Variants in NTSR1 observed in about 807,000 individuals in gnomAD.
NTSR1 encodes the protein neurotensin receptor 1.
Under a neutral mutation model 31.2 loss-of-function variants are expected in NTSR1, and 29 were observed. The observed-to-expected ratio is 0.93, with a 90% CI of 0.69 to 1.27. The LOEUF (loss-of-function observed/expected upper bound fraction) is 1.27. Ranked by LOEUF, NTSR1 falls within the 50% of genes most tolerant of loss-of-function variation. The probability of loss-of-function intolerance (pLI) is 0.00; values close to 1 mark genes in which losing one functional copy is unlikely to be tolerated. For synonymous variants in NTSR1, 282 were observed against 269.9 expected (o/e 1.04, Z -0.44); for missense variants, 697 against 595.4 (o/e 1.17, Z -1.78).
intron 1 of NTSR1, among the ~76,000 whole-genome samples, chr20:62,735,498 G>A (rs1275006032): frequency 2.0e-5 from 3 of 152,236 alleles, no homozygotes; most frequent in African/African-American, 4.8e-5. Flanking sequence ...AGCCAGCACC[G>A]CTGTGCACGC....
intron 1 of NTSR1, among the ~76,000 whole-genome samples, chr20:62,727,527 G>A (rs943933100): frequency 1.3e-5 from 2 of 152,248 alleles, no homozygotes; most frequent in Admixed American, 6.5e-5. Flanking sequence ...GCTCAGCACC[G>A]GTCTAAGGAG....
chr20:62,722,877 A>G (rs1031148684), intron 1 of NTSR1, among the ~76,000 whole-genome samples: 39 of 152,230 alleles, frequency 2.6e-4, no homozygotes, highest in African/African-American at 9.2e-4. Context: ...TTTCAAAAAG[A>G]TCTGAGGCAG....
At chr20:62,751,439 C>A (rs1311059031) in intron 1 of NTSR1, among the ~76,000 whole-genome samples, 2 of 152,216 alleles carry the variant, frequency 1.3e-5, no homozygotes, top group Admixed American at 6.5e-5. Flanking sequence ...CACTGAAAGT[C>A]CAAGAATAAT....
chr20:62,752,547 A>G (rs928114468), intron 1 of NTSR1, among the ~76,000 whole-genome samples: 2 of 152,224 alleles, frequency 1.3e-5, no homozygotes, highest in Non-Finnish European at 2.9e-5. Context: ...CTCCCTCTGG[A>G]AACGGCAGGA....
chr20:62,752,585 G>A (rs915285981), intron 1 of NTSR1, among the ~76,000 whole-genome samples: 26 of 152,228 alleles, frequency 1.7e-4, no homozygotes, highest in African/African-American at 5.8e-4. Context: ...CCAGGGGGCC[G>A]GGGCCAGACC....
intron 1 of NTSR1, among the ~76,000 whole-genome samples, chr20:62,727,552 C>T (rs896978509): frequency 6.6e-6 from 1 of 152,244 alleles, no homozygotes; most frequent in Non-Finnish European, 1.5e-5. Context: ...CGCTGTGGTA[C>T]GGCCGCTGGG....
chr20:62,727,727 C>G (rs956223795), intron 1 of NTSR1, among the ~76,000 whole-genome samples: 1 of 152,244 alleles, frequency 6.6e-6, no homozygotes, highest in Non-Finnish European at 1.5e-5. Context: ...GACCTGTGGG[C>G]TGAAAGCAGC....
At chr20:62,737,120 A>T (rs898000646) in intron 1 of NTSR1, among the ~76,000 whole-genome samples, 2 of 152,172 alleles carry the variant, frequency 1.3e-5, no homozygotes, top group African/African-American at 2.4e-5. Flanking sequence ...GGACTCACAC[A>T]CTTGGCCTGG....
intron 1 of NTSR1, among the ~76,000 whole-genome samples, chr20:62,738,438 G>A (rs558041342): frequency 1.2e-4 from 18 of 152,356 alleles, no homozygotes; most frequent in Non-Finnish European, 2.1e-4. Flanking sequence ...GGGAGGCCTC[G>A]TTTCCTAAAA....
chr20:62,739,160 C>T (rs1348959707), intron 1 of NTSR1, among the ~76,000 whole-genome samples: 1 of 152,272 alleles, frequency 6.6e-6, no homozygotes, highest in African/African-American at 2.4e-5. Flanking sequence ...GAGACTGAAC[C>T]GGGACAGGCT....
In NTSR1 at chr20:62,745,487, CACAG is replaced by C. The variant is rs1053560898; in HGVS notation, c.715-9192_715-9189del. ...TAGAGACACAGGAACAACAGAGACA[CACAG>C]ACAGAGACAGACACAGGAAAACAGT... On this transcript the variant is annotated intron_variant, in intron 1 of 3. Transcript: ENST00000370501. This position sits in a 1 kb window ranked among gnomAD's most constrained non-coding sequence, Gnocchi z 4.1. Among the ~76,000 whole-genome samples, 37 of 151,948 alleles carry C rather than the reference CACAG, an allele frequency of 2.4e-4. No homozygotes were observed. The highest frequency in any genetic ancestry group is 8.0e-4 in the African/African-American group (33 of 41,412).
rs1989380171 is a variant in NTSR1 at position 62,750,719 on chromosome 20, T to C, written c.715-3966T>C. Among the ~76,000 whole-genome samples the C allele has an allele frequency of 2.0e-5, 3 of 148,476 alleles. 1 individual carries two copies. In the South Asian group the frequency reaches 6.4e-4, roughly 32 times the overall value. On this transcript the variant is annotated intron_variant, in intron 1 of 3. Transcript: ENST00000370501. ...AAAAAAAAAAAAAAAAAAACAATAC[T>C]GCATTGCACACTCAAAATGTCCTCA...
At chr20:62,736,018 C>T (rs1384040357) in intron 1 of NTSR1, among the ~76,000 whole-genome samples, 1 of 152,234 alleles carries the variant, frequency 6.6e-6, no homozygotes, top group Non-Finnish European at 1.5e-5. Context: ...CCCAGTAATT[C>T]CCGTTTAAAT....
At chr20:62,746,263 T>A (rs892252233) in intron 1 of NTSR1, among the ~76,000 whole-genome samples, 2 of 152,126 alleles carry the variant, frequency 1.3e-5, no homozygotes, top group Admixed American at 6.5e-5. Context: ...GAGCTTAGGG[T>A]CCCTGTAGGC....
At chr20:62,759,743 C>A (rs1387122906) in intron 3 of NTSR1, among the ~76,000 whole-genome samples, 3 of 149,080 alleles carry the variant, frequency 2.0e-5, no homozygotes, top group Non-Finnish European at 3.0e-5. Context: ...CCACTGTACT[C>A]CAGCCTGGGA....
Position 62,758,410 on chromosome 20 carries a change from C to T in NTSR1, c.1007+54C>T, listed in dbSNP as rs960500572. 1 of 1,507,538 alleles carries T rather than the reference C, an allele frequency of 6.6e-7. No individual in the cohort carries two copies. Among genetic ancestry groups the T allele is most frequent in the Non-Finnish European group, 9.2e-7 (1 of 1,086,250 alleles). The allele number at this position is 1,507,538 out of a possible 1,614,324, so 93.4% of individuals were successfully genotyped here. A position where few individuals can be genotyped will look rare whatever the true frequency, so the allele number is the denominator to read the frequency against. On this transcript the variant is annotated intron_variant, in intron 3 of 3. Coordinates refer to ENST00000370501, the MANE Select transcript of NTSR1 (RefSeq NM_002531.3). This position sits in a 1 kb window ranked among gnomAD's most constrained non-coding sequence, Gnocchi z 4.5. ...GCTGGACAAGTAAGTGCTCCCAAAA[C>T]AGATGGTGGGTGTGGCAGGCACTGC...
intron 3 of NTSR1, among the ~76,000 whole-genome samples, chr20:62,759,739 T>C (rs149513817): frequency 0.05 from 7,039 of 142,096 alleles, 196 homozygotes; most frequent in South Asian, 0.091. Context: ...CGCGCCACTG[T>C]ACTCCAGCCT....
chr20:62,731,729 T>C (rs1464921829), intron 1 of NTSR1, among the ~76,000 whole-genome samples: 1 of 152,242 alleles, frequency 6.6e-6, no homozygotes, highest in African/African-American at 2.4e-5. Context: ...TAACTTTTGC[T>C]TCTTTCTCAA....
intron 1 of NTSR1, among the ~76,000 whole-genome samples, chr20:62,719,013 C>T (rs988557628): frequency 1.6e-4 from 24 of 151,946 alleles, no homozygotes; most frequent in Non-Finnish European, 2.4e-4. Context: ...GCATCCTGGC[C>T]AGCTCCTGGT....
Sources: allele counts gnomAD v4.1 joint callset (sites outside exome capture counted in the v4.1 genomes callset), GRCh38; gene constraint gnomAD v4.1.1; non-coding constraint Gnocchi (gnomAD v3.1); transcripts MANE v1.5; gene names NCBI Gene and HGNC (gene_info 2026-07-23, HGNC 2026-07-21).